Variants in TSC22D2 observed in about 807,000 individuals in gnomAD.
TSC22D2 encodes the protein TSC22 domain family member 2, also known as TSC22 domain family protein 2.
A neutral mutation model predicts 50.1 loss-of-function variants in TSC22D2; 5 were observed. That is an observed-to-expected ratio of 0.10 (90% CI 0.05 to 0.21). TSC22D2 has a LOEUF of 0.21. Ranked by LOEUF, TSC22D2 falls within the 10% of genes least tolerant of loss-of-function variation. The pLI is 1.00. For synonymous variants in TSC22D2, 501 were observed against 450.1 expected (o/e 1.11, Z -1.43); for missense variants, 1,003 against 1,015.5 (o/e 0.99, Z 0.17).
At chr3:150,429,377 C>G (rs947992516) in intron 1 of TSC22D2, among the ~76,000 whole-genome samples, 1 of 152,050 alleles carries the variant, frequency 6.6e-6, no homozygotes, top group African/African-American at 2.4e-5. Context: ...TAGAGTAACT[C>G]ATGGAGAAAA....
intron 1 of TSC22D2, chr3:150,423,112 C>CT (rs1416950173): frequency 6.2e-7 from 1 of 1,612,438 alleles, no homozygotes. Context: ...CAAAGAGCCT[C>CT]TGGGATAGGT....
chr3:150,419,895 C>T (rs971217292), intron 1 of TSC22D2, among the ~76,000 whole-genome samples: 8 of 152,108 alleles, frequency 5.3e-5, no homozygotes, highest in African/African-American at 1.2e-4. Context: ...AGAATTGCTT[C>T]GTTGGCTCTA....
At chr3:150,426,074 C>T (rs1333449793) in intron 1 of TSC22D2, among the ~76,000 whole-genome samples, 1 of 152,164 alleles carries the variant, frequency 6.6e-6, no homozygotes, top group Non-Finnish European at 1.5e-5. Context: ...CTCTGTTTGC[C>T]ATTTGCAGAG....
chr3:150,415,897 A>G (rs1303495752), intron 1 of TSC22D2, among the ~76,000 whole-genome samples: 8 of 152,224 alleles, frequency 5.3e-5, no homozygotes, highest in Admixed American at 2.0e-4. Context: ...GGTACTTCCT[A>G]ATTAGGAATG....
At chr3:150,434,564 T>G (rs576314636) in intron 1 of TSC22D2, among the ~76,000 whole-genome samples, 14 of 152,354 alleles carry the variant, frequency 9.2e-5, no homozygotes, top group Admixed American at 8.5e-4. Flanking sequence ...TACCTTTAAT[T>G]TCAATATCTT....
chr3:150,458,318 A>G, intron 2 of TSC22D2, 58 bp from the exon 3 acceptor site: 2 of 1,554,488 alleles, frequency 1.3e-6, no homozygotes, highest in South Asian at 2.5e-5. Flanking sequence ...GGCCAGAACC[A>G]GATAGCACCA....
chr3:150,415,830 T>A (rs1719775571), intron 1 of TSC22D2, among the ~76,000 whole-genome samples: 1 of 151,950 alleles, frequency 6.6e-6, no homozygotes, highest in Non-Finnish European at 1.5e-5. Context: ...AGAAAAAAAA[T>A]AATTCTGATA....
intron 1 of TSC22D2, among the ~76,000 whole-genome samples, chr3:150,427,206 T>A (rs1720221565): frequency 6.6e-6 from 1 of 152,152 alleles, no homozygotes; most frequent in Admixed American, 6.5e-5. Flanking sequence ...ATTTTTTTAT[T>A]GAAGTATAAT....
intron 1 of TSC22D2, among the ~76,000 whole-genome samples, chr3:150,456,347 G>T (rs942423120): frequency 5.3e-5 from 8 of 151,714 alleles, no homozygotes; most frequent in Non-Finnish European, 1.0e-4. Context: ...CCCAAGCCTG[G>T]CTAATTTTTT....
chr3:150,409,633 G>T lies in TSC22D2; in HGVS notation c.283G>T (p.Ala95Ser), dbSNP rs970292581. 7 of 1,608,978 alleles carry T rather than the reference G, an allele frequency of 4.4e-6. No homozygotes were observed. Among genetic ancestry groups the T allele is most frequent in the Non-Finnish European group, 5.9e-6 (7 of 1,177,426 alleles). Residue 95 changes from alanine (A) to serine (S), a missense_variant, in exon 1 of 3, where the codon GCA (alanine) becomes TCA (serine). Ala to Ser is a moderately conservative substitution (Grantham distance 99). This residue lies in a region of TSC22D2 where 200 missense variants were observed against 182.8 expected (regional missense o/e 1.09). Transcript: ENST00000688009. The surrounding 1 kb of genome is among the most constrained non-coding windows in gnomAD (Gnocchi z 7.4). ...AAACCTCCTCCTAGATGGGCAGCTG[G>T]CAGCGGCGGCTGCTGCTCCCGCCAA... Reference protein sequence around the residue: ...SPNLLLDGQLAAAAAAPANGG... With the variant: ...SPNLLLDGQLSAAAAAPANGG...
chr3:150,431,588 A>G (rs1030052194), intron 1 of TSC22D2, among the ~76,000 whole-genome samples: 1 of 152,206 alleles, frequency 6.6e-6, no homozygotes, highest in Non-Finnish European at 1.5e-5. Flanking sequence ...TATTTAATAA[A>G]AAATGCAGTA....
At chr3:150,448,914 T>A (rs1191095002) in intron 1 of TSC22D2, among the ~76,000 whole-genome samples, 4 of 151,540 alleles carry the variant, frequency 2.6e-5, no homozygotes, top group Admixed American at 2.6e-4. Flanking sequence ...GATAAATTTT[T>A]AATGTAACAT....
chr3:150,423,037 C>T (rs555759536), intron 1 of TSC22D2: 6 of 1,609,182 alleles, frequency 3.7e-6, no homozygotes, highest in East Asian at 4.5e-5. Context: ...ATTTGATTCT[C>T]GGATCTCACA....
intron 1 of TSC22D2, among the ~76,000 whole-genome samples, chr3:150,455,876 C>T (rs1721171193): frequency 6.8e-6 from 1 of 147,392 alleles, no homozygotes; most frequent in Non-Finnish European, 1.5e-5. Context: ...TTTTTAAAAA[C>T]CTAATAACTG....
intron 1 of TSC22D2, among the ~76,000 whole-genome samples, chr3:150,427,391 C>G (rs2108075195): frequency 6.6e-6 from 1 of 152,104 alleles, no homozygotes. Context: ...ATATGTAGGA[C>G]CATACACTAT....
rs771085353 is a variant in TSC22D2 at position 150,410,790 on chromosome 3, C to T, written c.1440C>T (p.Ser480=). The change falls in exon 1 of 3, where the codon TCC becomes TCT. Residue 480 remains serine (S), a synonymous_variant. Transcript: ENST00000688009. ...LGPAGAGQPQ[S]VPPPQMGGSG... is the part of the protein sequence containing the mutation. ...CTGCCGGGGCTGGGCAGCCCCAGTC[C>T]GTGCCTCCGCCGCAGATGGGTGGCA... 1.2e-6 allele frequency: 2 copies of T among 1,612,648 alleles called. No individual in the cohort carries two copies. Among genetic ancestry groups the T allele is most frequent in the Non-Finnish European group, 1.7e-6 (2 of 1,179,692 alleles).
intron 1 of TSC22D2, among the ~76,000 whole-genome samples, chr3:150,441,572 C>G (rs1270857875): frequency 2.0e-5 from 3 of 152,068 alleles, no homozygotes. Context: ...CCAGCCTGGA[C>G]AACATAGGGA....
In TSC22D2 at chr3:150,458,627, C is replaced by T. The variant is rs1721272286; in HGVS notation, c.2262C>T (p.Ser754=). The T allele has an allele frequency of 6.2e-7, 1 of 1,613,954 alleles. No homozygotes were observed. Among genetic ancestry groups the T allele is most frequent in the African/African-American group, 1.3e-5 (1 of 74,910 alleles). ...PTQPPQQPNV[S]SA is the part of the protein sequence containing the mutation. ...AACCTCCACAGCAGCCGAATGTCTC[C>T]TCAGCATAAAGCTTTCTTAAGCCTC... Residue 754 remains serine (S), a synonymous_variant, in exon 3 of 3, where the codon TCC becomes TCT. Transcript: ENST00000688009.
chr3:150,409,743 C>G lies in TSC22D2; in HGVS notation c.393C>G (p.Pro131=). 1.2e-6 allele frequency: 2 copies of G among 1,601,424 alleles called. No individual in the cohort carries two copies. Among genetic ancestry groups the G allele is most frequent in the Non-Finnish European group, 1.7e-6 (2 of 1,177,962 alleles). The change falls in exon 1 of 3, where the codon CCC becomes CCG. Residue 131 remains proline, a synonymous_variant. Transcript: ENST00000688009. The surrounding 1 kb of genome is among the most constrained non-coding windows in gnomAD (Gnocchi z 7.4). The part of the protein sequence containing the change: ...LAAAATSAPA[P]GAPGGPQLAG... ...CGGCTGCCACTTCGGCCCCCGCCCC[C>G]GGAGCACCCGGCGGCCCCCAGCTCG...
Sources: gnomAD v4.1 joint callset for allele counts (sites outside exome capture counted in the v4.1 genomes callset) on GRCh38, gnomAD v4.1.1 for gene constraint, gnomAD v4.1.1 regional missense constraint, Gnocchi (gnomAD v3.1) non-coding constraint, MANE v1.5 for transcripts, NCBI Gene and HGNC (gene_info 2026-07-23, HGNC 2026-07-21) for gene names.